ARL10: variants seen among roughly 807,000 people sequenced by gnomAD.
ARL10 encodes the protein ARF like GTPase 10.
In ARL10, 23 loss-of-function variants were observed where a neutral mutation model predicts 26.1. The observed-to-expected ratio is 0.88, with a 90% confidence interval of 0.63 to 1.25. ARL10 has a LOEUF of 1.25. Ranked by LOEUF, ARL10 falls within the 50% of genes most tolerant of loss-of-function variation. The pLI, the probability that ARL10 is intolerant of heterozygous loss-of-function variation, is 0.00. For missense variants in ARL10, 300 were observed against 323.6 expected (o/e 0.93, Z 0.56); for synonymous variants, 138 against 149.1 (o/e 0.93, Z 0.54).
At position 176,372,157 on chromosome 5, in the gene ARL10, G is replaced by A; in HGVS notation, c.*262G>A. On this transcript the variant is annotated 3_prime_UTR_variant, in exon 4 of 4. Coordinates refer to ENST00000310389, the MANE Select transcript of ARL10 (RefSeq NM_173664.6). Reference sequence around the variant, plus strand: ...CTGGCTCATTCCAGGCTGGAATGTGGATCCAGCTTTCCCTTCTCTTACCTG... The same window carrying A: ...CTGGCTCATTCCAGGCTGGAATGTGAATCCAGCTTTCCCTTCTCTTACCTG... The A allele has an allele frequency of 8.2e-7, 1 of 1,214,472 alleles. No homozygotes were observed. The highest frequency in any genetic ancestry group is 1.1e-6 in the Non-Finnish European group (1 of 927,694). The allele number at this position is 1,214,472 out of a possible 1,614,324, so 75.2% of individuals were successfully genotyped here.
At chr5:176,397,405 C>T (rs1194199278) in intron 1 of ARL10, among the ~76,000 whole-genome samples, 1 of 144,220 alleles carries the variant, frequency 6.9e-6, no homozygotes, top group Admixed American at 6.9e-5. Flanking sequence ...CATGTCCCCA[C>T]AGCCCCTCTC....
chr5:176,410,381 C>T, the ARL10 span: 2 of 1,213,586 alleles, frequency 1.6e-6, no homozygotes, highest in Non-Finnish European at 2.4e-6. Context: ...ATTAGCCCCT[C>T]AACCCAAACT....
intron 3 of ARL10, among the ~76,000 whole-genome samples, chr5:176,371,237 T>C (rs1403071488): frequency 2.0e-5 from 3 of 152,200 alleles, no homozygotes; most frequent in East Asian, 1.9e-4. Flanking sequence ...TAGCCAGGCG[T>C]GGTGGCTCAC....
chr5:176,407,655 T>C, the ARL10 span: 5 of 152,358 alleles, frequency 3.3e-5, no homozygotes, highest in African/African-American at 1.2e-4. Context: ...AGGTGCACTT[T>C]AGGACACAGA....
intron 2 of ARL10, chr5:176,367,852 A>T: frequency 2.0e-6 from 1 of 498,692 alleles, no homozygotes. Flanking sequence ...TCCTTTTTGA[A>T]ATGTGTTGAT....
downstream of ARL10, chr5:176,392,556 A>C (rs1375949245): frequency 1.8e-6 from 1 of 567,144 alleles, no homozygotes. This position sits in a 1 kb window ranked among gnomAD's most constrained non-coding sequence, Gnocchi z 5.2. Context: ...GACAGTCACA[A>C]TTGAGTAGAC....
At chr5:176,412,081 C>G in the ARL10 span, among the ~76,000 whole-genome samples, 1 of 149,100 alleles carries the variant, frequency 6.7e-6, no homozygotes, top group Non-Finnish European at 1.5e-5. Flanking sequence ...GAGGCTGAGG[C>G]AGGAGAATGG....
rs1561776043 is a variant in ARL10, at chr5:176,375,299, T to TCCACCCAC, written c.*3407_*3408insCCCACCCA. The TCCACCCAC allele has an allele frequency of 1.1e-4, 5 of 46,196 alleles. 2 individuals are homozygous for TCCACCCAC. The highest frequency in any genetic ancestry group is 3.1e-4 in the African/African-American group (4 of 12,934). 2.9% of individuals were successfully genotyped at this position (46,196 alleles called of 1,614,324 possible). A position where few individuals can be genotyped will look rare whatever the true frequency, so the allele number is the denominator to read the frequency against. On this transcript the variant is annotated 3_prime_UTR_variant, in exon 4 of 4. Transcript: ENST00000310389. ...ATCCATCCATCCACCCATCCATCCA[T>TCCACCCAC]CCATCCATCCATCCATCCATCCATC...
downstream of ARL10, among the ~76,000 whole-genome samples, chr5:176,403,866 T>G (rs1242606391): frequency 6.6e-6 from 1 of 152,202 alleles, no homozygotes; most frequent in Admixed American, 6.5e-5. Flanking sequence ...GTTTGAGAGA[T>G]TCTCCTGTCT....
At chr5:176,390,056 C>A (rs566825446), downstream of ARL10, among the ~76,000 whole-genome samples, 2 of 151,868 alleles carry the variant, frequency 1.3e-5, no homozygotes, top group Non-Finnish European at 2.9e-5. Flanking sequence ...GTGTTGCGTG[C>A]CTGTAATCCC....
chr5:176,406,617 T>C (rs1443416143), downstream of ARL10: 1 of 1,289,364 alleles, frequency 7.8e-7, no homozygotes, highest in Admixed American at 2.3e-5. Context: ...CCCCTGGCTG[T>C]GCCAAATGGA....
At chr5:176,398,802 T>G (rs368051993) in intron 1 of ARL10, among the ~76,000 whole-genome samples, 31 of 152,226 alleles carry the variant, frequency 2.0e-4, no homozygotes, top group African/African-American at 7.5e-4. Flanking sequence ...CTCTCTATTG[T>G]GGTTGTATTA....
At chr5:176,399,364 G>A (rs978802184) in intron 1 of ARL10, among the ~76,000 whole-genome samples, 23 of 152,162 alleles carry the variant, frequency 1.5e-4, no homozygotes, top group Admixed American at 2.6e-4. Flanking sequence ...AGGCTGTCTC[G>A]GTTCAGATGC....
chr5:176,386,890 T>G, downstream of ARL10: 1 of 1,614,094 alleles, frequency 6.2e-7, no homozygotes, highest in Non-Finnish European at 8.5e-7. Flanking sequence ...CTCCTCTATG[T>G]CCACCTCCAT....
At chr5:176,389,310 G>C (rs1756162938), downstream of ARL10, 1 of 1,602,578 alleles carries the variant, frequency 6.2e-7, no homozygotes, top group Non-Finnish European at 8.5e-7. Flanking sequence ...CTGTTTCCCA[G>C]TTGCTTTGTC....
chr5:176,368,285 A>C lies in ARL10; in HGVS notation c.386-522A>C, dbSNP rs989692521. On this transcript the variant is annotated intron_variant, in intron 2 of 3. Transcript: ENST00000310389. The surrounding 1 kb of genome is among the most constrained non-coding windows in gnomAD (Gnocchi z 4.1). ...GAGAATGGCTGTGTATAGGCAGGGCAGGGGGTCCTGAGTTTTCTAGACAAT... is the reference window on the plus strand; with the variant it reads ...GAGAATGGCTGTGTATAGGCAGGGCCGGGGGTCCTGAGTTTTCTAGACAAT... Among the ~76,000 whole-genome samples the C allele has an allele frequency of 6.6e-6, 1 of 152,188 alleles. No homozygotes were observed. The highest frequency in any genetic ancestry group is 1.5e-5 in the Non-Finnish European group (1 of 68,028).
At position 176,379,951 on chromosome 5, in the gene ARL10, A is replaced by G. The variant is rs1221548801; in HGVS notation, c.*8056A>G. On this transcript the variant is annotated 3_prime_UTR_variant, in exon 4 of 4. Coordinates refer to ENST00000310389, the MANE Select transcript of ARL10 (RefSeq NM_173664.6). ...TCATAAGCTCTTATGAGGATTCTCAATTTTCCAGTACGTTTTTGAGTATTT... is the reference window on the plus strand; with the variant it reads ...TCATAAGCTCTTATGAGGATTCTCAGTTTTCCAGTACGTTTTTGAGTATTT... The G allele has an allele frequency of 6.6e-6, 1 of 152,192 alleles. No individual in the cohort carries two copies. 9.4% of individuals were successfully genotyped at this position (152,192 alleles called of 1,614,324 possible).
chr5:176,402,331 C>G (rs974330689), downstream of ARL10, among the ~76,000 whole-genome samples: 6 of 152,130 alleles, frequency 3.9e-5, no homozygotes, highest in African/African-American at 1.2e-4. Flanking sequence ...AATAAAACAT[C>G]TGAAGGCTCC....
At chr5:176,384,479 G>A (rs967647708), downstream of ARL10, 1 of 1,156,610 alleles carries the variant, frequency 8.6e-7, no homozygotes, top group Non-Finnish European at 1.2e-6. Context: ...CTGAGGTCCA[G>A]AATCCTGACC....
Sources: allele counts gnomAD v4.1 joint callset (sites outside exome capture counted in the v4.1 genomes callset), GRCh38; gene constraint gnomAD v4.1.1; non-coding constraint Gnocchi (gnomAD v3.1); transcripts MANE v1.5; gene names NCBI Gene and HGNC (gene_info 2026-07-23, HGNC 2026-07-21).